The following FBN2 variants were observed in gnomAD, a reference collection of about 807,000 sequenced individuals.
The protein encoded by FBN2 is fibrillin 2.
A neutral mutation model predicts 355.6 loss-of-function variants in FBN2; 105 were observed. The observed-to-expected ratio is 0.30, with a 90% CI of 0.25 to 0.35. The LOEUF is 0.35. FBN2 is among the 10% of genes least tolerant of loss of function. FBN2 has a pLI of 1.00. For missense variants in FBN2, 3,280 were observed against 3,758.7 expected (o/e 0.87, Z 3.33); for synonymous variants, 1,350 against 1,301.2 (o/e 1.04, Z -0.81).
At chr5:128,267,684 A>G (rs1172164669) in intron 62 of FBN2, among the ~76,000 whole-genome samples, 1 of 152,012 alleles carries the variant, frequency 6.6e-6, no homozygotes, top group East Asian at 1.9e-4. Context: ...TTTTTCCCAC[A>G]AACTTGTTTA....
intron 8 of FBN2, among the ~76,000 whole-genome samples, chr5:128,404,595 A>G (rs187041235): frequency 6.6e-6 from 1 of 152,358 alleles, no homozygotes; most frequent in African/African-American, 2.4e-5. Context: ...ATATCATCTC[A>G]TTCATTCATT....
chr5:128,504,268 A>T (rs558286118), intron 5 of FBN2, among the ~76,000 whole-genome samples: 1 of 152,270 alleles, frequency 6.6e-6, no homozygotes, highest in East Asian at 1.9e-4. Flanking sequence ...GTGGGGTCGC[A>T]GCCCCCACAC....
chr5:128,328,575 T>C (rs192310057), intron 34 of FBN2, 121 bp downstream of exon 34: 4 of 1,036,620 alleles, frequency 3.9e-6, no homozygotes, highest in Admixed American at 3.9e-5. Context: ...ACGAATGACT[T>C]TTATAGTGCA....
chr5:128,521,359 C>T (rs560229066), intron 4 of FBN2, among the ~76,000 whole-genome samples: 1 of 152,110 alleles, frequency 6.6e-6, no homozygotes, highest in East Asian at 1.9e-4. Context: ...CACACTGGGG[C>T]CTGTCTGGGG....
rs142747169 is a variant in FBN2, at chr5:128,259,818, G to C, written c.8376C>G (p.Ile2792Met). The change falls in exon 65 of 65, where the codon ATC becomes ATG. Residue 2792 changes from isoleucine to methionine, a missense_variant. This residue lies in a region of FBN2 where 311 missense variants were observed against 319.1 expected (regional missense o/e 0.97). Coordinates refer to ENST00000262464, the MANE Select transcript of FBN2 (RefSeq NM_001999.4). ...TGTCCATGTCGACACTCTCTAGGCTGATCTGTTCAACCTGGAGGAAGAACA... is the reference window on the plus strand; with the variant it reads ...TGTCCATGTCGACACTCTCTAGGCTCATCTGTTCAACCTGGAGGAAGAACA... Reference protein sequence around the residue: ...HEPDPTAVEQISLESVDMDSP... With the variant: ...HEPDPTAVEQMSLESVDMDSP... 1.3e-4 allele frequency: 211 copies of C among 1,613,430 alleles called. No homozygotes were observed. Among genetic ancestry groups the C allele is most frequent in the Non-Finnish European group, 1.7e-4 (199 of 1,179,912 alleles).
At chr5:128,359,953 G>A (rs1751597023) in intron 19 of FBN2, among the ~76,000 whole-genome samples, 1 of 152,032 alleles carries the variant, frequency 6.6e-6, no homozygotes, top group African/African-American at 2.4e-5. Flanking sequence ...ATTTAGTTCC[G>A]CATTACGTGT....
intron 7 of FBN2, among the ~76,000 whole-genome samples, chr5:128,442,958 TGAATG>T (rs1753962012): frequency 6.6e-6 from 1 of 152,208 alleles, no homozygotes; most frequent in South Asian, 2.1e-4. Context: ...AGTTAGGAGA[TGAATG>T]CTGCCCCCAG....
intron 2 of FBN2, 105 bp from the exon 3 acceptor site, chr5:128,530,798 T>A (rs1013052942): frequency 1.3e-6 from 1 of 752,684 alleles, no homozygotes; most frequent in African/African-American, 1.8e-5. Flanking sequence ...AAAACTAAGA[T>A]AAAATATATG....
intron 8 of FBN2, among the ~76,000 whole-genome samples, chr5:128,400,402 G>C (rs557013750): frequency 6.6e-6 from 1 of 152,146 alleles, no homozygotes; most frequent in Admixed American, 6.5e-5. Context: ...AGACTACATG[G>C]AGAAACTGAG....
chr5:128,377,036 C>A (rs973454292), intron 13 of FBN2, among the ~76,000 whole-genome samples, 183 bp from the exon 14 acceptor site: 8 of 152,050 alleles, frequency 5.3e-5, no homozygotes, highest in Admixed American at 6.6e-5. Flanking sequence ...GTGGAAAGGA[C>A]CTTCAGTATA....
intron 7 of FBN2, chr5:128,442,348 C>G (rs1033643755): frequency 6.6e-6 from 3 of 456,466 alleles, no homozygotes; most frequent in African/African-American, 4.0e-5. Context: ...ACATCTGGCT[C>G]CTGCTTGTGC....
intron 21 of FBN2, 35 bp from the exon 22 acceptor site, chr5:128,350,040 T>C (rs1751305810): frequency 6.5e-7 from 1 of 1,526,818 alleles, no homozygotes; most frequent in Non-Finnish European, 9.1e-7. Context: ...TACTTCATTA[T>C]AGAATAAAAT....
chr5:128,413,859 A>C (rs1753130544), intron 7 of FBN2, among the ~76,000 whole-genome samples: 2 of 152,228 alleles, frequency 1.3e-5, no homozygotes, highest in South Asian at 4.1e-4. Context: ...TATTCTGTAT[A>C]ATATCTTTTT....
intron 15 of FBN2, among the ~76,000 whole-genome samples, chr5:128,372,870 G>A (rs957927112): frequency 2.6e-5 from 4 of 152,068 alleles, no homozygotes; most frequent in East Asian, 1.9e-4. Context: ...CCAGTGATCC[G>A]CCCAACATGG....
chr5:128,505,779 A>G (rs1175072785), intron 5 of FBN2, among the ~76,000 whole-genome samples: 2 of 152,214 alleles, frequency 1.3e-5, no homozygotes, highest in South Asian at 4.1e-4. Flanking sequence ...AGGTTCATCA[A>G]TAATGTACAT....
intron 5 of FBN2, among the ~76,000 whole-genome samples, chr5:128,508,552 A>C (rs1329428408): frequency 6.6e-6 from 1 of 151,898 alleles, no homozygotes; most frequent in Non-Finnish European, 1.5e-5. Flanking sequence ...TTACCACCAC[A>C]TCTACTCTAC....
At chr5:128,377,727 G>A in intron 13 of FBN2, 25 bp downstream of exon 13, 1 of 1,611,888 alleles carries the variant, frequency 6.2e-7, no homozygotes, top group East Asian at 2.2e-5. Context: ...AAAATCTTTT[G>A]CAAGGGAGCA....
intron 36 of FBN2, among the ~76,000 whole-genome samples, chr5:128,313,868 A>AC (rs1465237400): frequency 6.6e-6 from 1 of 151,246 alleles, no homozygotes; most frequent in African/African-American, 2.4e-5. Context: ...AAAAAAAAAA[A>AC]AAAAAAAACA....
chr5:128,287,989 G>A (rs923096818), intron 53 of FBN2, among the ~76,000 whole-genome samples: 1 of 152,202 alleles, frequency 6.6e-6, no homozygotes, highest in Middle Eastern at 3.2e-3. Context: ...ACTGACAGAT[G>A]AGCCACCGCC....
Sources: gnomAD v4.1 joint callset for allele counts (sites outside exome capture counted in the v4.1 genomes callset) on GRCh38, gnomAD v4.1.1 for gene constraint, gnomAD v4.1.1 regional missense constraint, MANE v1.5 for transcripts, NCBI Gene and HGNC (gene_info 2026-07-23, HGNC 2026-07-21) for gene names.